The following EBF1 variants were observed in gnomAD, a reference collection of about 807,000 sequenced individuals.
The protein encoded by EBF1 is transcription factor COE1.
EBF1 carries 10 observed loss-of-function variants against 68.4 expected under a neutral mutation model. That is an observed-to-expected ratio of 0.15 (90% CI 0.09 to 0.25). The LOEUF is 0.25. Among genes scored for constraint, EBF1 ranks in the 10% least tolerant of loss-of-function variants. The pLI, the probability that EBF1 is intolerant of heterozygous loss-of-function variation, is 1.00. For synonymous variants in EBF1, 298 were observed against 299.8 expected (o/e 0.99, Z 0.06); for missense variants, 509 against 794.4 (o/e 0.64, Z 4.32).
intron 6 of EBF1, among the ~76,000 whole-genome samples, chr5:158,972,738 G>C (rs1323079904): frequency 1.3e-5 from 2 of 152,108 alleles, no homozygotes; most frequent in South Asian, 2.1e-4. Context: ...CCTCCATAGC[G>C]CCCACGGGGC....
chr5:158,827,803 T>C (rs1003518635), intron 7 of EBF1, among the ~76,000 whole-genome samples: 4 of 152,190 alleles, frequency 2.6e-5, no homozygotes, highest in African/African-American at 9.6e-5. Flanking sequence ...ACCCAACATG[T>C]TGAAATTTGT....
At chr5:158,774,158 G>A (rs1034392121) in intron 10 of EBF1, among the ~76,000 whole-genome samples, 3 of 152,020 alleles carry the variant, frequency 2.0e-5, no homozygotes, top group Non-Finnish European at 4.4e-5. Flanking sequence ...AAACACAAGG[G>A]CATGGCACAT....
chr5:158,991,091 CTG>C (rs1235528663), intron 6 of EBF1, among the ~76,000 whole-genome samples: 2 of 152,238 alleles, frequency 1.3e-5, no homozygotes, highest in Non-Finnish European at 2.9e-5. Flanking sequence ...TATGTACTAT[CTG>C]TGTGATCTTG....
intron 6 of EBF1, among the ~76,000 whole-genome samples, chr5:158,966,046 C>A (rs4921461): frequency 0.14 from 22,022 of 152,102 alleles, 1,699 homozygotes; most frequent in African/African-American, 0.18. Context: ...ACACAGGAAA[C>A]CTTGAGTAAG....
intron 6 of EBF1, among the ~76,000 whole-genome samples, chr5:158,900,533 G>GT (rs911918465): frequency 1.8e-4 from 27 of 152,164 alleles, no homozygotes; most frequent in Admixed American, 2.6e-4. Flanking sequence ...GTACAACTCT[G>GT]TTTTTTTCAA....
intron 8 of EBF1, among the ~76,000 whole-genome samples, chr5:158,802,352 ACT>A (rs1333501336): frequency 6.6e-6 from 1 of 152,116 alleles, no homozygotes; most frequent in African/African-American, 2.4e-5. Context: ...GAGAAACAAC[ACT>A]CTGTGAGTTG....
At chr5:158,825,312 G>A (rs1395022380) in intron 7 of EBF1, among the ~76,000 whole-genome samples, 3 of 152,140 alleles carry the variant, frequency 2.0e-5, no homozygotes, top group Non-Finnish European at 4.4e-5. Context: ...CGACTTCTTA[G>A]GACTTACAAT....
rs10078087 is a variant in EBF1 at position 158,895,375 on chromosome 5, C to T, written c.555-55265G>A. 6.1e-3 allele frequency among the ~76,000 whole-genome samples: 935 copies of T among 152,172 alleles called. 16 individuals carry two copies. The highest frequency in any genetic ancestry group is 0.021 in the African/African-American group (890 of 41,506). ...GCCCTGTCTCAAAATAAAATTGTAA[C>T]GATAATATTTGTTTGGCTATTCTAT... On this transcript the variant is annotated intron_variant, in intron 6 of 15. Transcript: ENST00000313708.
intron 10 of EBF1, among the ~76,000 whole-genome samples, chr5:158,773,224 C>T (rs1774264691): frequency 6.6e-6 from 1 of 152,068 alleles, no homozygotes; most frequent in African/African-American, 2.4e-5. Flanking sequence ...TGTCAAGTTC[C>T]ACAGAGCATA....
chr5:158,986,299 G>C (rs1036948781), intron 6 of EBF1: 2 of 152,196 alleles, frequency 1.3e-5, no homozygotes, highest in African/African-American at 4.8e-5. Flanking sequence ...TGGATGAAAT[G>C]GGGAACAGGT....
intron 6 of EBF1, among the ~76,000 whole-genome samples, chr5:158,969,916 G>GAAAGAAAGAAAGA (rs1208082154): frequency 3.7e-5 from 3 of 80,100 alleles, no homozygotes; most frequent in East Asian, 3.9e-4. Flanking sequence ...AAGAAAGAAA[G>GAAAGAAAGAAAGA]AAAAAAAAAA....
intron 6 of EBF1, among the ~76,000 whole-genome samples, chr5:159,022,434 T>G (rs1216656455): frequency 6.6e-6 from 1 of 152,166 alleles, no homozygotes; most frequent in Non-Finnish European, 1.5e-5. Flanking sequence ...CAGGCTTCAG[T>G]GAGCAATCAA....
chr5:159,043,043 C>A (rs1311244808), intron 6 of EBF1, among the ~76,000 whole-genome samples: 1 of 152,092 alleles, frequency 6.6e-6, no homozygotes. Context: ...TTATGAAGCA[C>A]CTACTGTCTA....
intron 10 of EBF1, among the ~76,000 whole-genome samples, chr5:158,759,536 A>T (rs540502058): frequency 1.3e-5 from 2 of 152,300 alleles, no homozygotes; most frequent in South Asian, 4.1e-4. Context: ...GGCAAATGAT[A>T]GCATAGCGTG....
At chr5:158,716,530 C>G (rs781625462) in intron 11 of EBF1, among the ~76,000 whole-genome samples, 1 of 152,166 alleles carries the variant, frequency 6.6e-6, no homozygotes, top group African/African-American at 2.4e-5. Context: ...TAATATCTTA[C>G]CCATTAAAAA....
At chr5:159,025,347 C>A (rs1163798664) in intron 6 of EBF1, among the ~76,000 whole-genome samples, 3 of 152,146 alleles carry the variant, frequency 2.0e-5, no homozygotes, top group African/African-American at 4.8e-5. Flanking sequence ...GAAAAGGGGG[C>A]TGTTGATGTG....
rs191908475 is a variant in EBF1, at chr5:159,036,088, G to A, written c.554+37308C>T. 1.1e-3 allele frequency among the ~76,000 whole-genome samples: 164 copies of A among 152,300 alleles called. 1 individual carries two copies. The highest frequency in any genetic ancestry group is 3.7e-3 in the African/African-American group (154 of 41,572). ...TCATGGGTGCAGAGTAAGGGATAAA[G>A]TTTGTGATGCAGGATAAAAGACTGA... On this transcript the variant is annotated intron_variant, in intron 6 of 15. Coordinates refer to ENST00000313708, the MANE Select transcript of EBF1 (RefSeq NM_024007.5).
intron 1 of EBF1, among the ~76,000 whole-genome samples, chr5:159,098,872 A>C (rs1291926516): frequency 6.6e-6 from 1 of 151,438 alleles, no homozygotes; most frequent in African/African-American, 2.4e-5. Context: ...GAAAAAGAAA[A>C]GGAGGAAAGA....
intron 10 of EBF1, among the ~76,000 whole-genome samples, chr5:158,753,024 G>A (rs944024866): frequency 2.0e-5 from 3 of 151,946 alleles, no homozygotes; most frequent in Admixed American, 6.6e-5. Flanking sequence ...GTTTGTTTTC[G>A]CTCGCTCAAC....
Sources: gnomAD v4.1 joint callset for allele counts (sites outside exome capture counted in the v4.1 genomes callset) on GRCh38, gnomAD v4.1.1 for gene constraint, MANE v1.5 for transcripts, NCBI Gene and HGNC (gene_info 2026-07-23, HGNC 2026-07-21) for gene names.